The following DYNC2H1 variants were observed in gnomAD, a reference collection of about 807,000 sequenced individuals.
DYNC2H1 encodes the protein dynein cytoplasmic 2 heavy chain 1, also known as cytoplasmic dynein 2 heavy chain 1.
In DYNC2H1, 410 loss-of-function variants were observed where a neutral mutation model predicts 570.0. The ratio of observed to expected loss-of-function variants is 0.72; its 90% CI spans 0.66 to 0.78. DYNC2H1 has a LOEUF of 0.78. Ranked by LOEUF, DYNC2H1 falls within the 30% of genes least tolerant of loss-of-function variation. The probability of loss-of-function intolerance (pLI) is 0.00; values close to 1 mark genes in which losing one functional copy is unlikely to be tolerated. For synonymous variants in DYNC2H1, 1,688 were observed against 1,677.6 expected (o/e 1.01, Z -0.15); for missense variants, 4,865 against 5,046.4 (o/e 0.96, Z 1.09).
At chr11:103,304,499 A>C in intron 76 of DYNC2H1, 96 bp from the exon 77 acceptor site, 1 of 1,269,782 alleles carries the variant, frequency 7.9e-7, no homozygotes, top group Non-Finnish European at 1.0e-6. Flanking sequence ...CCAGTTAGGA[A>C]GGTTTAGGGA....
Position 103,205,070 on chromosome 11 carries a change from G to T in DYNC2H1, c.8454+106G>T. 1 of 967,500 alleles carries T rather than the reference G, an allele frequency of 1.0e-6. No individual in the cohort carries two copies. The highest frequency in any genetic ancestry group is 1.8e-5 in the South Asian group (1 of 54,508). The allele number at this position is 967,500 out of a possible 1,614,324, so 59.9% of individuals were successfully genotyped here. A position where few individuals can be genotyped will look rare whatever the true frequency, so the allele number is the denominator to read the frequency against. On this transcript the variant is annotated intron_variant, in intron 52 of 88. Coordinates refer to ENST00000375735, the MANE Select transcript of DYNC2H1 (RefSeq NM_001377.3). This position sits in a 1 kb window ranked among gnomAD's most constrained non-coding sequence, Gnocchi z 4.5. Reference sequence around the variant, plus strand: ...TGGTTATAACATCACCTTAATTATGGCACCAAACATCTCTTATGTTTGGAA... The same window carrying T: ...TGGTTATAACATCACCTTAATTATGTCACCAAACATCTCTTATGTTTGGAA...
intron 63 of DYNC2H1, among the ~76,000 whole-genome samples, chr11:103,240,618 C>G (rs970831673): frequency 6.6e-6 from 1 of 152,098 alleles, no homozygotes; most frequent in African/African-American, 2.4e-5. Flanking sequence ...TCTCAAATAT[C>G]TCATGAATTC....
chr11:103,144,755 C>T (rs1860148440), intron 18 of DYNC2H1, among the ~76,000 whole-genome samples: 1 of 151,994 alleles, frequency 6.6e-6, no homozygotes, highest in Admixed American at 6.6e-5. Context: ...AGGAGTGTGT[C>T]AGTACCAAAG....
intron 30 of DYNC2H1, among the ~76,000 whole-genome samples, chr11:103,165,403 A>G (rs1318160942): frequency 6.6e-6 from 1 of 152,186 alleles, no homozygotes; most frequent in East Asian, 1.9e-4. Flanking sequence ...TTCTGGGATT[A>G]CAGGCGTGAG....
rs755526111 is a variant in DYNC2H1, at chr11:103,176,277, C to T, written c.5717C>T (p.Thr1906Ile). 1 of 1,541,786 alleles carries T rather than the reference C, an allele frequency of 6.5e-7. No homozygotes were observed. The highest frequency in any genetic ancestry group is 1.2e-5 in the South Asian group (1 of 81,408). Residue 1906 changes from threonine (T) to isoleucine (I), a missense_variant, in exon 37 of 89, where the codon ACC becomes ATC. This residue lies in a region of DYNC2H1 where 292 missense variants were observed against 300.2 expected (regional missense o/e 0.97). Transcript: ENST00000375735. The stretch of plus-strand genomic sequence containing the variant: ...GTGGTACAAGCACTGAGGCTTAATA[C>T]CATGTCAAAGTTTACGTTTACTGAT... Reference protein sequence around the residue: ...HIVVQALRLNTMSKFTFTDCT... With the variant: ...HIVVQALRLNIMSKFTFTDCT...
chr11:103,314,470 T>C (rs1937697360), intron 79 of DYNC2H1, among the ~76,000 whole-genome samples: 1 of 152,118 alleles, frequency 6.6e-6, no homozygotes, highest in South Asian at 2.1e-4. Flanking sequence ...TTTCAACTTT[T>C]GTGAATATAA....
intron 17 of DYNC2H1, among the ~76,000 whole-genome samples, chr11:103,138,815 A>G (rs1859723148): frequency 6.6e-6 from 1 of 152,258 alleles, no homozygotes; most frequent in Admixed American, 6.5e-5. Flanking sequence ...TACCTCTGGT[A>G]GAATTCGGCT....
chr11:103,267,886 G>A (rs1565447252), intron 70 of DYNC2H1, among the ~76,000 whole-genome samples: 1 of 151,464 alleles, frequency 6.6e-6, no homozygotes, highest in Non-Finnish European at 1.5e-5. Flanking sequence ...TTTGTAGTAA[G>A]GCCTGAAGAT....
chr11:103,453,615 CA>C (rs1944682050), intron 85 of DYNC2H1, among the ~76,000 whole-genome samples: 9 of 136,632 alleles, frequency 6.6e-5, no homozygotes, highest in African/African-American at 8.6e-5. Context: ...TTAGTTTAGA[CA>C]TATATATATA....
At chr11:103,300,692 C>A (rs1867010026) in intron 75 of DYNC2H1, among the ~76,000 whole-genome samples, 1 of 151,630 alleles carries the variant, frequency 6.6e-6, no homozygotes, top group African/African-American at 2.4e-5. Flanking sequence ...ATATTTATAT[C>A]CTGTGGGATT....
chr11:103,388,212 C>A (rs1203428887), intron 83 of DYNC2H1, among the ~76,000 whole-genome samples: 1 of 83,090 alleles, frequency 1.2e-5, no homozygotes, highest in Non-Finnish European at 2.8e-5. Context: ...TTGAAGAGGT[C>A]CTTCACATCC....
At chr11:103,376,079 C>T (rs1198238663) in intron 83 of DYNC2H1, among the ~76,000 whole-genome samples, 1 of 152,158 alleles carries the variant, frequency 6.6e-6, no homozygotes, top group Admixed American at 6.5e-5. Flanking sequence ...AGTGAGTTCT[C>T]ATATGATCTG....
At chr11:103,394,796 G>C (rs1591677710) in intron 83 of DYNC2H1, among the ~76,000 whole-genome samples, 1 of 152,020 alleles carries the variant, frequency 6.6e-6, no homozygotes, top group East Asian at 1.9e-4. Context: ...AATCCCCTGA[G>C]GTATGACTAT....
intron 85 of DYNC2H1, 61 bp from the exon 86 acceptor site, chr11:103,455,125 A>T: frequency 8.1e-7 from 1 of 1,227,416 alleles, no homozygotes; most frequent in Non-Finnish European, 1.2e-6. Flanking sequence ...AAAATGACTT[A>T]AGTCTTTAAT....
At chr11:103,234,765 G>A (rs1864159397) in intron 61 of DYNC2H1, among the ~76,000 whole-genome samples, 1 of 151,794 alleles carries the variant, frequency 6.6e-6, no homozygotes, top group Admixed American at 6.6e-5. Flanking sequence ...AGTTTTAAAT[G>A]TGTATTTCCA....
intron 55 of DYNC2H1, among the ~76,000 whole-genome samples, chr11:103,217,931 G>C (rs550075345): frequency 6.6e-6 from 1 of 152,104 alleles, no homozygotes; most frequent in Non-Finnish European, 1.5e-5. Context: ...TATGAAAGAA[G>C]ACATATAAAG....
At chr11:103,178,979 A>G (rs373826016) in intron 38 of DYNC2H1, 47 bp from the exon 39 acceptor site, 136 of 1,506,172 alleles carry the variant, frequency 9.0e-5, no homozygotes, top group Non-Finnish European at 1.1e-4. Context: ...AATTATTATC[A>G]CTGCATATAT....
intron 76 of DYNC2H1, among the ~76,000 whole-genome samples, chr11:103,304,289 ATAGT>A (rs1252080907): frequency 4.0e-5 from 6 of 148,924 alleles, no homozygotes; most frequent in South Asian, 2.1e-4. Context: ...CTAGTCAATC[ATAGT>A]TAGAGTAGAT....
At chr11:103,422,865 G>A (rs932732587) in intron 84 of DYNC2H1, among the ~76,000 whole-genome samples, 4 of 152,018 alleles carry the variant, frequency 2.6e-5, no homozygotes, top group African/African-American at 7.2e-5. Flanking sequence ...AGAGATAAAT[G>A]GTACTCAAAT....
Sources: allele counts gnomAD v4.1 joint callset (sites outside exome capture counted in the v4.1 genomes callset), GRCh38; gene constraint gnomAD v4.1.1; regional missense constraint gnomAD v4.1.1; non-coding constraint Gnocchi (gnomAD v3.1); transcripts MANE v1.5; gene names NCBI Gene and HGNC (gene_info 2026-07-23, HGNC 2026-07-21).